LINGO2: variants seen among roughly 807,000 people sequenced by gnomAD.
LINGO2 encodes leucine-rich repeat and immunoglobulin-like domain-containing nogo receptor-interacting protein 2.
A neutral mutation model predicts 30.6 loss-of-function variants in LINGO2; 14 were observed. That is an observed-to-expected ratio of 0.46 (90% CI 0.30 to 0.72). The LOEUF (loss-of-function observed/expected upper bound fraction) is 0.72. Ranked by LOEUF, LINGO2 falls within the 30% of genes least tolerant of loss-of-function variation. The probability of loss-of-function intolerance (pLI) is 0.07; values close to 1 mark genes in which losing one functional copy is unlikely to be tolerated. For missense variants in LINGO2, 729 were observed against 751.7 expected, an observed-to-expected ratio of 0.97 and a Z score of 0.35; for synonymous variants, 317 against 288.5, an observed-to-expected ratio of 1.10 and a Z score of -1.00.
intron 1 of LINGO2, among the ~76,000 whole-genome samples, chr9:28,589,356 A>T (rs887165893): frequency 2.0e-5 from 3 of 152,148 alleles, no homozygotes; most frequent in Admixed American, 6.6e-5. Context: ...AGAGGAAGTC[A>T]AGTTGTCTCT....
the LINGO2 span, among the ~76,000 whole-genome samples, chr9:29,075,863 C>T: frequency 6.6e-6 from 1 of 152,070 alleles, no homozygotes; most frequent in East Asian, 1.9e-4. Context: ...CTCCTCCATG[C>T]TACATGAATG....
At chr9:28,731,564 A>G in the LINGO2 span, among the ~76,000 whole-genome samples, 1 of 152,154 alleles carries the variant, frequency 6.6e-6, no homozygotes, top group African/African-American at 2.4e-5. Flanking sequence ...AGTGCGGTTT[A>G]AAAGAACAAC....
intron 4 of LINGO2, among the ~76,000 whole-genome samples, chr9:28,261,882 G>A (rs1349098911): frequency 6.6e-6 from 1 of 151,868 alleles, no homozygotes; most frequent in Non-Finnish European, 1.5e-5. Context: ...GGTGTTAAAA[G>A]GTCATAAATT....
chr9:28,278,826 AT>A (rs1326442209), intron 4 of LINGO2, among the ~76,000 whole-genome samples: 2 of 152,224 alleles, frequency 1.3e-5, no homozygotes, highest in African/African-American at 4.8e-5. Flanking sequence ...TAAGAAATAT[AT>A]TTTGTAAGGC....
chr9:29,033,398 A>ATATATATATATATATATATC, the LINGO2 span, among the ~76,000 whole-genome samples: 2 of 149,764 alleles, frequency 1.3e-5, no homozygotes, highest in Admixed American at 1.3e-4. Context: ...ATATATATAT[A>ATATATATATATATATATATC]TCTCTTCTAT....
At chr9:29,153,726 A>G in the LINGO2 span, among the ~76,000 whole-genome samples, 7 of 152,260 alleles carry the variant, frequency 4.6e-5, no homozygotes, top group East Asian at 1.2e-3. Flanking sequence ...CTGAGGAAAT[A>G]TAAATCTCTG....
At chr9:29,040,722 AGGATG>A in the LINGO2 span, among the ~76,000 whole-genome samples, 4 of 152,088 alleles carry the variant, frequency 2.6e-5, no homozygotes, top group African/African-American at 9.6e-5. Context: ...TTAAATTATT[AGGATG>A]TTATTTCTAA....
At chr9:28,577,303 T>C (rs1444247212) in intron 1 of LINGO2, among the ~76,000 whole-genome samples, 2 of 152,128 alleles carry the variant, frequency 1.3e-5, no homozygotes, top group Admixed American at 1.3e-4. Context: ...AGTTGTCTTT[T>C]CAGACTTTTG....
chr9:28,980,790 C>G, the LINGO2 span, among the ~76,000 whole-genome samples: 1 of 151,308 alleles, frequency 6.6e-6, no homozygotes, highest in African/African-American at 2.4e-5. Context: ...TTATTACCAT[C>G]TGGCATACTC....
chr9:28,806,936 TA>T, the LINGO2 span, among the ~76,000 whole-genome samples: 37 of 152,040 alleles, frequency 2.4e-4, no homozygotes, highest in African/African-American at 7.5e-4. Context: ...TATTTAGGTA[TA>T]AAAGCATAAT....
the LINGO2 span, among the ~76,000 whole-genome samples, chr9:28,960,089 A>C: frequency 0.064 from 9,791 of 152,240 alleles, 416 homozygotes; most frequent in Non-Finnish European, 0.098. Context: ...TGGAGCAAAA[A>C]AGTACATAGA....
At position 28,189,327 on chromosome 9, in the gene LINGO2, G is replaced by C. The variant is rs1170951340; in HGVS notation, c.-87+105881C>G. Among the ~76,000 whole-genome samples, 91 of 66,546 alleles carry C rather than the reference G, an allele frequency of 1.4e-3. 1 individual carries two copies. Among genetic ancestry groups the C allele is most frequent in the African/African-American group, 5.8e-3 (89 of 15,314 alleles). The allele number at this position is 66,546 out of a possible 152,430, so 43.7% of individuals were successfully genotyped here. On this transcript the variant is annotated intron_variant, in intron 4 of 5. Coordinates refer to ENST00000379992, the Ensembl canonical transcript of LINGO2. ...AGGGAGGAAGGAAGGAAGGAAGGGA[G>C]GGAGGAAGGAAGGAAGGGAGGAAGG...
intron 1 of LINGO2, among the ~76,000 whole-genome samples, chr9:28,616,628 C>T (rs1407532853): frequency 6.6e-6 from 1 of 152,158 alleles, no homozygotes; most frequent in African/African-American, 2.4e-5. Flanking sequence ...AATGTATTTC[C>T]CTGCCCTGAT....
intron 4 of LINGO2, among the ~76,000 whole-genome samples, chr9:28,057,640 A>ACACATATATTTATAT (rs1235437530): frequency 3.1e-5 from 3 of 97,690 alleles, no homozygotes; most frequent in Admixed American, 1.0e-4. Context: ...CACATATATA[A>ACACATATATTTATAT]ACCTGTTCAA....
the LINGO2 span, among the ~76,000 whole-genome samples, chr9:29,057,582 G>C: frequency 6.6e-6 from 1 of 152,138 alleles, no homozygotes; most frequent in African/African-American, 2.4e-5. Context: ...TGAGGAGACA[G>C]AGACTGAGTT....
chr9:27,962,302 C>G (rs1819887379), intron 5 of LINGO2, among the ~76,000 whole-genome samples: 1 of 151,696 alleles, frequency 6.6e-6, no homozygotes, highest in Non-Finnish European at 1.5e-5. Flanking sequence ...CATCTTATTT[C>G]TGATTTATTT....
At chr9:28,872,053 C>T in the LINGO2 span, among the ~76,000 whole-genome samples, 1 of 151,784 alleles carries the variant, frequency 6.6e-6, no homozygotes, top group Non-Finnish European at 1.5e-5. Context: ...TGCCTTTAAC[C>T]TCAAACTTCA....
Position 28,363,716 on chromosome 9 carries a change from G to T in LINGO2, c.-246+9120C>A, listed in dbSNP as rs189622378. Among the ~76,000 whole-genome samples, 20 of 151,318 alleles carry T rather than the reference G, an allele frequency of 1.3e-4. No individual in the cohort carries two copies. In the East Asian group the frequency reaches 3.3e-3, roughly 25 times the overall value. ...AAAAAAAAACCCTTTATTACAAATTGTACATTTACAAAATTTCTACTATTA... is the reference window on the plus strand; with the variant it reads ...AAAAAAAAACCCTTTATTACAAATTTTACATTTACAAAATTTCTACTATTA... On this transcript the variant is annotated intron_variant, in intron 3 of 5. Transcript: ENST00000379992.
At chr9:28,160,042 A>G (rs370269055) in intron 4 of LINGO2, among the ~76,000 whole-genome samples, 1 of 152,152 alleles carries the variant, frequency 6.6e-6, no homozygotes, top group Non-Finnish European at 1.5e-5. Context: ...GATTGCCAAG[A>G]TGATGTTGTG....
Sources: allele counts gnomAD v4.1 joint callset (sites outside exome capture counted in the v4.1 genomes callset), GRCh38; gene constraint gnomAD v4.1.1; transcripts MANE v1.5; gene names NCBI Gene and HGNC (gene_info 2026-07-23, HGNC 2026-07-21).